SRPRA: variants seen among roughly 807,000 people sequenced by gnomAD.
SRPRA encodes the protein SRP receptor subunit alpha.
Under a neutral mutation model 61.1 loss-of-function variants are expected in SRPRA, and 30 were observed. That is an observed-to-expected ratio of 0.49 (90% CI 0.37 to 0.67). SRPRA has a LOEUF of 0.67. Among genes scored for constraint, SRPRA ranks in the 30% least tolerant of loss-of-function variants. SRPRA has a pLI of 0.00. For synonymous variants in SRPRA, 324 were observed against 299.7 expected, an observed-to-expected ratio of 1.08 and a Z score of -0.84; for missense variants, 759 against 828.4, an observed-to-expected ratio of 0.92 and a Z score of 1.03.
chr11:126,262,070 A>T (rs764134231), downstream of SRPRA: 9 of 1,605,702 alleles, frequency 5.6e-6, 1 homozygote, highest in South Asian at 9.9e-5. Context: ...TCCAATGTAT[A>T]AACCTGTTTT....
Position 126,264,875 on chromosome 11 carries a change from A to T in SRPRA, c.1525+84T>A. 7.6e-7 allele frequency: 1 copy of T among 1,321,400 alleles called. No homozygotes were observed. The highest frequency in any genetic ancestry group is 1.0e-6 in the Non-Finnish European group (1 of 967,434). 81.9% of individuals were successfully genotyped at this position (1,321,400 alleles called of 1,614,324 possible). A position where few individuals can be genotyped will look rare whatever the true frequency, so the allele number is the denominator to read the frequency against. ...TTGACCAACGAGTCTGTAGTAGCAC[A>T]AGCCTGATCTTCTGCAAATTCCAAG... On this transcript the variant is annotated intron_variant, in intron 11 of 13. Transcript: ENST00000332118. This position sits in a 1 kb window ranked among gnomAD's most constrained non-coding sequence, Gnocchi z 5.0.
At chr11:126,243,469 A>T in the SRPRA span, among the ~76,000 whole-genome samples, 1 of 141,892 alleles carries the variant, frequency 7.0e-6, no homozygotes, top group Non-Finnish European at 1.5e-5. Context: ...GTCTGCCTCT[A>T]AAAAAAAAAA....
chr11:126,241,091 TAACTATCAC>T, the SRPRA span: 1 of 1,509,842 alleles, frequency 6.6e-7, no homozygotes, highest in South Asian at 1.3e-5. Flanking sequence ...TCCTAAAATT[TAACTATCAC>T]AACTAGCATG....
the SRPRA span, chr11:126,254,305 G>A: frequency 6.2e-7 from 1 of 1,613,768 alleles, no homozygotes; most frequent in African/African-American, 1.3e-5. Flanking sequence ...TGTTGTGCAG[G>A]TCCTCGAGTG....
chr11:126,246,298 A>G, the SRPRA span, among the ~76,000 whole-genome samples: 3 of 152,330 alleles, frequency 2.0e-5, no homozygotes, highest in East Asian at 3.9e-4. Flanking sequence ...ACTCAGCAGT[A>G]CTATGGCAGG....
At position 126,263,716 on chromosome 11, in the gene SRPRA, T is replaced by G; in HGVS notation, c.*200A>C. On this transcript the variant is annotated 3_prime_UTR_variant, in exon 14 of 14. Coordinates refer to ENST00000332118, the MANE Select transcript of SRPRA (RefSeq NM_003139.4). ...CCGCTGGGAGAGGGTCAGTGGGCAG[T>G]GATTGTAACATGATTAGGCCTTCCT... is the stretch of plus-strand genomic sequence containing the variant. 1.4e-6 allele frequency: 1 copy of G among 708,844 alleles called. No individual in the cohort carries two copies. Among genetic ancestry groups the G allele is most frequent in the Non-Finnish European group, 2.3e-6 (1 of 435,262 alleles). 43.9% of individuals were successfully genotyped at this position (708,844 alleles called of 1,614,324 possible).
chr11:126,266,728 C>G (rs549042425), intron 5 of SRPRA, 35 bp downstream of exon 5: 1 of 1,611,296 alleles, frequency 6.2e-7, no homozygotes, highest in African/African-American at 1.3e-5. Flanking sequence ...GTCTAGATAA[C>G]AGTATTTTGA....
Position 126,267,739 on chromosome 11 carries a change from G to C in SRPRA, c.202-27C>G. The stretch of plus-strand genomic sequence containing the variant: ...TGTTTAGGGGAAGAAACAGCCAACA[G>C]ATCTGCTTACATACTAGCCTAGAAT... On this transcript the variant is annotated intron_variant, in intron 2 of 13. Transcript: ENST00000332118. This position sits in a 1 kb window ranked among gnomAD's most constrained non-coding sequence, Gnocchi z 4.2. The C allele has an allele frequency of 6.2e-7, 1 of 1,613,520 alleles. No individual in the cohort carries two copies. Among genetic ancestry groups the C allele is most frequent in the Non-Finnish European group, 8.5e-7 (1 of 1,179,786 alleles).
At chr11:126,239,299 A>G in the SRPRA span, among the ~76,000 whole-genome samples, 2 of 152,162 alleles carry the variant, frequency 1.3e-5, no homozygotes, top group Non-Finnish European at 2.9e-5. Context: ...TTATAGTTCA[A>G]ATCTGTATGT....
At chr11:126,239,779 G>A in the SRPRA span, among the ~76,000 whole-genome samples, 1 of 152,158 alleles carries the variant, frequency 6.6e-6, no homozygotes, top group Non-Finnish European at 1.5e-5. Context: ...CCCCCAAAGT[G>A]CTGGGATTAC....
chr11:126,261,539 G>A, downstream of SRPRA: 1 of 1,452,414 alleles, frequency 6.9e-7, no homozygotes, highest in South Asian at 1.1e-5. Context: ...GTCTTTCTAG[G>A]TCCTTGGTTA....
chr11:126,253,437 A>G, the SRPRA span, among the ~76,000 whole-genome samples: 2 of 152,130 alleles, frequency 1.3e-5, no homozygotes, highest in African/African-American at 4.8e-5. This position sits in a 1 kb window ranked among gnomAD's most constrained non-coding sequence, Gnocchi z 5.1. Context: ...TCAGGTGGCT[A>G]TTGCATTCGC....
At chr11:126,255,358 A>G in the SRPRA span, among the ~76,000 whole-genome samples, 6 of 152,178 alleles carry the variant, frequency 3.9e-5, no homozygotes, top group Admixed American at 2.0e-4. This position sits in a 1 kb window ranked among gnomAD's most constrained non-coding sequence, Gnocchi z 4.6. Flanking sequence ...GAGAAAATGT[A>G]TTGTCTAAAG....
rs1195603365 is a variant in SRPRA at position 126,265,855 on chromosome 11, A to G, written c.1052-32T>C. On this transcript the variant is annotated intron_variant, in intron 8 of 13. Coordinates refer to ENST00000332118, the MANE Select transcript of SRPRA (RefSeq NM_003139.4). This position sits in a 1 kb window ranked among gnomAD's most constrained non-coding sequence, Gnocchi z 6.3. ...AGAGGGGGACAGGTATGTCAGTTCC[A>G]TGTCAGCAATGACCAATCTTTATGG... The G allele has an allele frequency of 3.7e-6, 6 of 1,613,488 alleles. No individual in the cohort carries two copies. In the Admixed American group the frequency reaches 5.0e-5, roughly 13 times the overall value.
In SRPRA at chr11:126,264,977, T is replaced by C. The variant is rs1373660516; in HGVS notation, c.1507A>G (p.Met503Val). 3 of 1,614,074 alleles carry C rather than the reference T, an allele frequency of 1.9e-6. No individual in the cohort carries two copies. The highest frequency in any genetic ancestry group is 2.2e-5 in the East Asian group (1 of 44,870). ...ACTGTACCAAAAGCAATGGCTTCCA[T>C]GGCAATGCCAGCAGCATCCTTGCCA... The part of the protein sequence containing the change: ...GYGKDAAGIA[M>V]EAIAFARNQG... The change falls in exon 11 of 14, where the codon ATG (methionine) becomes GTG (valine). Residue 503 changes from methionine (M) to valine (V), a missense_variant. Coordinates refer to ENST00000332118, the MANE Select transcript of SRPRA (RefSeq NM_003139.4). The surrounding 1 kb of genome is among the most constrained non-coding windows in gnomAD (Gnocchi z 5.0).
At chr11:126,245,670 G>A in the SRPRA span, among the ~76,000 whole-genome samples, 1 of 151,944 alleles carries the variant, frequency 6.6e-6, no homozygotes, top group African/African-American at 2.4e-5. Flanking sequence ...CCTCAGCCTG[G>A]GCAACATAGT....
downstream of SRPRA, chr11:126,262,398 A>C (rs1950719571): frequency 1.9e-6 from 1 of 536,602 alleles, no homozygotes; most frequent in Non-Finnish European, 3.3e-6. Context: ...CCCAGGCTAG[A>C]CATGCTTGTG....
Position 126,265,231 on chromosome 11 carries a change from C to A in SRPRA, c.1311+37G>T. 6.2e-7 allele frequency: 1 copy of A among 1,613,574 alleles called. No individual in the cohort carries two copies. The highest frequency in any genetic ancestry group is 8.5e-7 in the Non-Finnish European group (1 of 1,179,608). ...CCAGGATTTTGAGACACAAGAAGTA[C>A]AGAAATATCAGCGATAGGCTGGGGA... On this transcript the variant is annotated intron_variant, in intron 10 of 13. Transcript: ENST00000332118. The surrounding 1 kb of genome is among the most constrained non-coding windows in gnomAD (Gnocchi z 6.3).
At chr11:126,254,896 T>C in the SRPRA span, among the ~76,000 whole-genome samples, 28 of 152,224 alleles carry the variant, frequency 1.8e-4, no homozygotes, top group African/African-American at 6.0e-4. Flanking sequence ...GTGCATGCTG[T>C]CTAGGAAATG....
Sources: gnomAD v4.1 joint callset for allele counts (sites outside exome capture counted in the v4.1 genomes callset) on GRCh38, gnomAD v4.1.1 for gene constraint, Gnocchi (gnomAD v3.1) non-coding constraint, MANE v1.5 for transcripts, NCBI Gene and HGNC (gene_info 2026-07-23, HGNC 2026-07-21) for gene names.